Variants in THADA observed in about 807,000 individuals in gnomAD.
The protein encoded by THADA is tRNA (32-2'-O)-methyltransferase regulator THADA.
A neutral mutation model predicts 219.8 loss-of-function variants in THADA; 213 were observed. The ratio of observed to expected loss-of-function variants is 0.97; its 90% CI spans 0.87 to 1.09. The LOEUF (loss-of-function observed/expected upper bound fraction) is 1.09, where lower values mean the gene tolerates loss of function less well. Ranked by LOEUF, THADA falls within the 50% of genes least tolerant of loss-of-function variation. The pLI is 0.00. For synonymous variants in THADA, 1,018 were observed against 828.9 expected, an observed-to-expected ratio of 1.23 and a Z score of -3.92; for missense variants, 2,956 against 2,311.3, an observed-to-expected ratio of 1.28 and a Z score of -5.72.
At chr2:43,538,167 A>T (rs935147250) in intron 21 of THADA, among the ~76,000 whole-genome samples, 30 of 152,190 alleles carry the variant, frequency 2.0e-4, no homozygotes, top group African/African-American at 5.8e-4. Flanking sequence ...ATCAGTAGGC[A>T]CTGGGTATCA....
In THADA at chr2:43,292,653, C is replaced by T. The variant is rs150403061; in HGVS notation, c.4818+181G>A. On this transcript the variant is annotated intron_variant, in intron 32 of 37. Coordinates refer to ENST00000405975, the MANE Select transcript of THADA (RefSeq NM_022065.5). ...TCAAAAGCTTTTCTTGGTGCCCTAC[C>T]AGGTATGACGCCATGCCAACCACCA... Among the ~76,000 whole-genome samples, 45 of 152,304 alleles carry T rather than the reference C, an allele frequency of 3.0e-4. No homozygotes were observed. The East Asian group carries it at 7.3e-3, about 25-fold the overall frequency.
At chr2:43,433,929 T>C (rs1019658838) in intron 26 of THADA, among the ~76,000 whole-genome samples, 33 of 152,354 alleles carry the variant, frequency 2.2e-4, no homozygotes, top group African/African-American at 7.7e-4. Context: ...CCTCAGGTGA[T>C]TGGCCTGCCT....
At position 43,586,880 on chromosome 2, in the gene THADA, G is replaced by C. The variant is rs764492617; in HGVS notation, c.425C>G (p.Ser142Cys). Residue 142 changes from serine to cysteine, a missense_variant, in exon 5 of 38, where the codon TCT becomes TGT. Physicochemically the swap from Ser to Cys is moderately radical, Grantham distance 112. Transcript: ENST00000405975. ...YSYRKVTDNI[S>C]SCMENFNLGR... ...CAAGTTAAAGTTCTCCATACAGGAA[G>C]AAATATTGTCAGTAACTTTCCTGTA... 6.2e-7 allele frequency: 1 copy of C among 1,613,902 alleles called. No individual in the cohort carries two copies. Among genetic ancestry groups the C allele is most frequent in the South Asian group, 1.1e-5 (1 of 91,066 alleles).
At chr2:43,391,464 G>T (rs1344080653) in intron 29 of THADA, among the ~76,000 whole-genome samples, 3 of 152,114 alleles carry the variant, frequency 2.0e-5, no homozygotes, top group Admixed American at 1.3e-4. Flanking sequence ...CCAAATAAAA[G>T]CTTTTGGATG....
rs1326514359 is a variant in THADA at position 43,372,203 on chromosome 2, A to G, written c.4227+25768T>C. On this transcript the variant is annotated intron_variant, in intron 29 of 37. Coordinates refer to ENST00000405975, the MANE Select transcript of THADA (RefSeq NM_022065.5). ...TAACTGGGAAAAGACTAATCTGAAC[A>G]CACGAGAAATCTATTCAAACAAAAA... 2.6e-5 allele frequency: 4 copies of G among 152,242 alleles called. 1 individual carries two copies. Among genetic ancestry groups the G allele is most frequent in the South Asian group, 4.1e-4 (2 of 4,836 alleles). 9.4% of individuals were successfully genotyped at this position (152,242 alleles called of 1,614,324 possible).
At chr2:43,244,265 T>C (rs972024663) in intron 36 of THADA, among the ~76,000 whole-genome samples, 11 of 152,220 alleles carry the variant, frequency 7.2e-5, no homozygotes, top group African/African-American at 2.7e-4. Flanking sequence ...TATAGCCAGT[T>C]AACAGTACAC....
At position 43,549,191 on chromosome 2, in the gene THADA, T is replaced by C. The variant is rs183776031; in HGVS notation, c.3106+19A>G. 2.0e-6 allele frequency: 3 copies of C among 1,533,866 alleles called. No homozygotes were observed. The highest frequency in any genetic ancestry group is 2.3e-5 in the Admixed American group (1 of 43,720). ...GGTTACTTAAACATGAATTACAGTA[T>C]CCATTTTATACAAGTTACCTTTGAT... On this transcript the variant is annotated intron_variant, in intron 20 of 37. Coordinates refer to ENST00000405975, the MANE Select transcript of THADA (RefSeq NM_022065.5).
intron 26 of THADA, among the ~76,000 whole-genome samples, chr2:43,441,022 C>T (rs984021684): frequency 6.6e-5 from 10 of 152,246 alleles, no homozygotes; most frequent in African/African-American, 9.6e-5. Flanking sequence ...CTTCAGTGAA[C>T]GTTTTAAGTA....
chr2:43,320,349 A>T, intron 31 of THADA, 97 bp downstream of exon 31: 1 of 791,176 alleles, frequency 1.3e-6, no homozygotes, highest in Non-Finnish European at 2.1e-6. Flanking sequence ...TTACAAAAGT[A>T]GAAGGTGGAG....
intron 26 of THADA, among the ~76,000 whole-genome samples, chr2:43,477,304 G>A (rs970584933): frequency 6.6e-6 from 1 of 152,046 alleles, no homozygotes; most frequent in East Asian, 1.9e-4. Flanking sequence ...ATAATTTAGG[G>A]AAATGCTCAT....
At chr2:43,416,428 C>T (rs957311482) in intron 28 of THADA, among the ~76,000 whole-genome samples, 1 of 152,126 alleles carries the variant, frequency 6.6e-6, no homozygotes, top group African/African-American at 2.4e-5. Flanking sequence ...AGATTTCATA[C>T]AAATATATAT....
chr2:43,535,002 C>G (rs1292721285), intron 21 of THADA, among the ~76,000 whole-genome samples: 1 of 152,040 alleles, frequency 6.6e-6, no homozygotes, highest in Non-Finnish European at 1.5e-5. Flanking sequence ...TTCCTGCCAT[C>G]ATTTGTTATT....
intron 28 of THADA, among the ~76,000 whole-genome samples, chr2:43,423,808 G>C (rs1345333955): frequency 2.6e-5 from 4 of 152,110 alleles, no homozygotes; most frequent in South Asian, 2.1e-4. Flanking sequence ...GCTTGTGAAA[G>C]GGAACTCAGA....
intron 24 of THADA, among the ~76,000 whole-genome samples, chr2:43,503,718 G>A (rs1255401755): frequency 6.6e-6 from 1 of 151,996 alleles, no homozygotes; most frequent in Non-Finnish European, 1.5e-5. Flanking sequence ...GAGGGGAGAA[G>A]GAAAGCAAAT....
chr2:43,591,049 A>G (rs1701510042), intron 3 of THADA, 95 bp from the exon 4 acceptor site: 1 of 1,202,902 alleles, frequency 8.3e-7, no homozygotes, highest in Admixed American at 2.1e-5. Flanking sequence ...TGCTGGGTAC[A>G]GTGGCTCACC....
At chr2:43,402,778 G>C (rs1046719565) in intron 28 of THADA, among the ~76,000 whole-genome samples, 3 of 152,216 alleles carry the variant, frequency 2.0e-5, no homozygotes, top group African/African-American at 7.2e-5. Context: ...GTAAACACAA[G>C]CTGCTGCTGC....
At chr2:43,506,865 T>C (rs963474229) in intron 23 of THADA, among the ~76,000 whole-genome samples, 10 of 152,200 alleles carry the variant, frequency 6.6e-5, no homozygotes, top group African/African-American at 2.2e-4. Context: ...TTCTGAAGCA[T>C]TTGAAAACTA....
chr2:43,327,057 G>C (rs186293793), intron 30 of THADA, among the ~76,000 whole-genome samples: 173 of 152,236 alleles, frequency 1.1e-3, no homozygotes, highest in African/African-American at 3.9e-3. Context: ...GATCTTGTTG[G>C]GGGAGGGGTA....
Position 43,466,976 on chromosome 2 carries a change from A to T in THADA, c.3836+18258T>A, listed in dbSNP as rs1353193534. 2.7e-4 allele frequency among the ~76,000 whole-genome samples: 41 copies of T among 151,616 alleles called. 1 individual carries two copies. Among genetic ancestry groups the T allele is most frequent in the African/African-American group, 8.9e-4 (37 of 41,342 alleles). On this transcript the variant is annotated intron_variant, in intron 26 of 37. Transcript: ENST00000405975. ...GGCGGGCGGATCACGAGGTCAGGAGATCGAGACCATCCTGGCTAACACGGT... is the reference window on the plus strand; with the variant it reads ...GGCGGGCGGATCACGAGGTCAGGAGTTCGAGACCATCCTGGCTAACACGGT...
Sources: gnomAD v4.1 joint callset for allele counts (sites outside exome capture counted in the v4.1 genomes callset) on GRCh38, gnomAD v4.1.1 for gene constraint, MANE v1.5 for transcripts, NCBI Gene and HGNC (gene_info 2026-07-23, HGNC 2026-07-21) for gene names.